Variants in GPATCH2L observed in about 807,000 individuals in gnomAD.
GPATCH2L encodes the protein G-patch domain containing 2 like.
In GPATCH2L, 31 loss-of-function variants were observed where a neutral mutation model predicts 57.4. The ratio of observed to expected loss-of-function variants is 0.54; its 90% confidence interval spans 0.41 to 0.73. The LOEUF is 0.73. Ranked by LOEUF, GPATCH2L falls within the 30% of genes least tolerant of loss-of-function variation. The pLI is 0.00. For missense variants in GPATCH2L, 481 were observed against 599.9 expected (o/e 0.80, Z 2.07); for synonymous variants, 199 against 210.7 (o/e 0.94, Z 0.48).
intron 1 of GPATCH2L, among the ~76,000 whole-genome samples, chr14:76,226,221 G>A (rs2040535743): frequency 6.6e-6 from 1 of 151,914 alleles, no homozygotes; most frequent in Non-Finnish European, 1.5e-5. Context: ...CCATCAACAG[G>A]GTAATGAATT....
intron 5 of GPATCH2L, chr14:76,174,252 G>A (rs1335072395): frequency 6.6e-6 from 1 of 152,194 alleles, no homozygotes; most frequent in Non-Finnish European, 1.5e-5. Flanking sequence ...TACCCAGATA[G>A]GAATGGTAGA....
chr14:76,180,887 A>G (rs1219488454), intron 8 of GPATCH2L, 38 bp downstream of exon 8: 1 of 1,211,652 alleles, frequency 8.3e-7, no homozygotes, highest in Non-Finnish European at 1.2e-6. Context: ...GCTTCTGGAC[A>G]ATACTATATT....
chr14:76,154,795 G>A lies in GPATCH2L; in HGVS notation c.432G>A (p.Gln144=), dbSNP rs2038223238. The change falls in exon 2 of 10, where the codon CAG becomes CAA. Residue 144 remains glutamine, a synonymous_variant. Transcript: ENST00000261530. The surrounding 1 kb of genome is among the most constrained non-coding windows in gnomAD (Gnocchi z 4.4). ...CATCAGAGGTGGCTGCTAGCCTTCAGCAGAAGCTGAAGGTGTCAGATTGGA... is the reference window on the plus strand; with the variant it reads ...CATCAGAGGTGGCTGCTAGCCTTCAACAGAAGCTGAAGGTGTCAGATTGGA... ...RVTSEVAASL[Q]QKLKVSDWSY... The A allele has an allele frequency of 6.2e-7, 1 of 1,614,226 alleles. No homozygotes were observed. The highest frequency in any genetic ancestry group is 1.3e-5 in the African/African-American group (1 of 75,064).
At chr14:76,190,577 G>A (rs1336509150) in intron 8 of GPATCH2L, among the ~76,000 whole-genome samples, 2 of 152,088 alleles carry the variant, frequency 1.3e-5, no homozygotes, top group Non-Finnish European at 2.9e-5. Context: ...GGCATAGCCT[G>A]TCTTTTCTCT....
At chr14:76,152,816 G>C (rs2038115256) in intron 1 of GPATCH2L, 1 of 453,890 alleles carries the variant, frequency 2.2e-6, no homozygotes, top group Admixed American at 2.4e-5. Context: ...TTTGTTGCCT[G>C]AGTTTTTAAA....
At chr14:76,167,601 G>A (rs2038903248) in intron 3 of GPATCH2L, among the ~76,000 whole-genome samples, 1 of 152,178 alleles carries the variant, frequency 6.6e-6, no homozygotes, top group South Asian at 2.1e-4. Flanking sequence ...AGGACTGTGG[G>A]GCCAGCATCT....
Position 76,154,910 on chromosome 14 carries a change from G to A in GPATCH2L, c.547G>A (p.Gly183Arg), listed in dbSNP as rs1355284284. 3 of 1,614,118 alleles carry A rather than the reference G, an allele frequency of 1.9e-6. No individual in the cohort carries two copies. Among genetic ancestry groups the A allele is most frequent in the Admixed American group, 1.7e-5 (1 of 60,032 alleles). Reference sequence around the variant, plus strand: ...TACTCCCTGGACCTCATCAGGCCACGGATTGTGTGAATCAGCAGAAAATAG... The same window carrying A: ...TACTCCCTGGACCTCATCAGGCCACAGATTGTGTGAATCAGCAGAAAATAG... The part of the protein sequence containing the change: ...ENTPWTSSGH[G>R]LCESAENRTF... The change falls in exon 2 of 10, where the codon GGA becomes AGA. Residue 183 changes from glycine (G) to arginine (R), a missense_variant. Gly to Arg is a moderately radical substitution (Grantham distance 125). This residue lies in a region of GPATCH2L where 208 missense variants were observed against 272.4 expected (regional missense o/e 0.76). Coordinates refer to ENST00000261530, the MANE Select transcript of GPATCH2L (RefSeq NM_017926.4). This position sits in a 1 kb window ranked among gnomAD's most constrained non-coding sequence, Gnocchi z 4.4.
At chr14:76,233,145 G>C (rs2040582129) in intron 2 of GPATCH2L, among the ~76,000 whole-genome samples, 1 of 152,124 alleles carries the variant, frequency 6.6e-6, no homozygotes, top group Admixed American at 6.5e-5. Flanking sequence ...CCATTTTGAG[G>C]GTCAATTCTT....
intron 8 of GPATCH2L, among the ~76,000 whole-genome samples, chr14:76,185,733 TAAAC>T (rs2039740890): frequency 6.6e-6 from 1 of 152,178 alleles, no homozygotes; most frequent in African/African-American, 2.4e-5. Context: ...CCTTTGTAAA[TAAAC>T]TGTTTTTTCT....
chr14:76,201,182 T>C (rs2040301638), intron 9 of GPATCH2L, among the ~76,000 whole-genome samples: 1 of 152,208 alleles, frequency 6.6e-6, no homozygotes, highest in South Asian at 2.1e-4. Flanking sequence ...ATCGGAGGCA[T>C]GGGTTGTGGC....
At chr14:76,164,481 G>A (rs1030065224) in intron 2 of GPATCH2L, among the ~76,000 whole-genome samples, 3 of 152,150 alleles carry the variant, frequency 2.0e-5, no homozygotes, top group South Asian at 2.1e-4. Flanking sequence ...GTTGAGAACC[G>A]TAGTTCTTGA....
intron 8 of GPATCH2L, among the ~76,000 whole-genome samples, chr14:76,191,009 C>T (rs1327306966): frequency 3.9e-5 from 6 of 152,078 alleles, no homozygotes; most frequent in African/African-American, 1.4e-4. Flanking sequence ...TGGTTTGCAA[C>T]CCAAGAACAA....
rs112527745 is a variant in GPATCH2L, at chr14:76,164,211, C to T, written c.663-2452C>T. 1.2e-4 allele frequency among the ~76,000 whole-genome samples: 18 copies of T among 152,288 alleles called. No individual in the cohort carries two copies. The South Asian group carries it at 2.3e-3, about 19-fold the overall frequency. ...TCTCAAGTAGTTTCCCTAAATGGGA[C>T]GCCCTACCTCTCCCAGCCCTCTGCT... On this transcript the variant is annotated intron_variant, in intron 2 of 9. Coordinates refer to ENST00000261530, the MANE Select transcript of GPATCH2L (RefSeq NM_017926.4).
chr14:76,159,922 G>A (rs1470210152), intron 2 of GPATCH2L, among the ~76,000 whole-genome samples: 1 of 152,094 alleles, frequency 6.6e-6, no homozygotes, highest in Non-Finnish European at 1.5e-5. Flanking sequence ...CACAAGGTTA[G>A]GAGATCGAGA....
At chr14:76,161,332 TC>T (rs2038573200) in intron 2 of GPATCH2L, among the ~76,000 whole-genome samples, 2 of 135,306 alleles carry the variant, frequency 1.5e-5, no homozygotes, top group Non-Finnish European at 3.3e-5. Context: ...CTTTAAGATA[TC>T]TATTAATTAG....
chr14:76,171,734 A>C, intron 3 of GPATCH2L, 109 bp from the exon 4 acceptor site: 1 of 730,948 alleles, frequency 1.4e-6, no homozygotes, highest in South Asian at 2.1e-5. Context: ...AAAAGGAAAA[A>C]AAAAAAAAAG....
At chr14:76,186,469 C>G (rs1430810749) in intron 8 of GPATCH2L, among the ~76,000 whole-genome samples, 1 of 152,160 alleles carries the variant, frequency 6.6e-6, no homozygotes, top group Non-Finnish European at 1.5e-5. Context: ...AATAAACAGC[C>G]TGAGGTTTTA....
chr14:76,168,065 C>G (rs1310305936), intron 3 of GPATCH2L, among the ~76,000 whole-genome samples: 2 of 152,234 alleles, frequency 1.3e-5, no homozygotes, highest in African/African-American at 2.4e-5. Context: ...TAGCTTTCCT[C>G]TCTTTCTCTG....
intron 1 of GPATCH2L, chr14:76,152,520 A>G (rs2038098530): frequency 2.6e-6 from 1 of 378,158 alleles, no homozygotes; most frequent in Non-Finnish European, 5.3e-6. Context: ...CTCTCTTCTT[A>G]CTTGCTGTCC....
Sources: allele counts gnomAD v4.1 joint callset (sites outside exome capture counted in the v4.1 genomes callset), GRCh38; gene constraint gnomAD v4.1.1; regional missense constraint gnomAD v4.1.1; non-coding constraint Gnocchi (gnomAD v3.1); transcripts MANE v1.5; gene names NCBI Gene and HGNC (gene_info 2026-07-23, HGNC 2026-07-21).